KIF26B: variants seen among roughly 807,000 people sequenced by gnomAD.
KIF26B encodes the protein kinesin family member 26B.
Under a neutral mutation model 151.2 loss-of-function variants are expected in KIF26B, and 63 were observed. That is an observed-to-expected ratio of 0.42 (90% CI 0.34 to 0.51). The LOEUF is 0.51. Ranked by LOEUF, KIF26B falls within the 20% of genes least tolerant of loss-of-function variation. The pLI, the probability that KIF26B is intolerant of heterozygous loss-of-function variation, is 0.07. For missense variants in KIF26B, 2,813 were observed against 2,913.6 expected (o/e 0.97, Z 0.79); for synonymous variants, 1,357 against 1,262.1 (o/e 1.08, Z -1.59).
intron 2 of KIF26B, among the ~76,000 whole-genome samples, chr1:245,188,338 G>A (rs1383667808): frequency 1.3e-5 from 2 of 151,500 alleles, no homozygotes; most frequent in African/African-American, 2.4e-5. Context: ...CAGGGGTGTG[G>A]TCGGTGAAGC....
rs1475440661 is a variant in KIF26B at position 245,667,496 on chromosome 1, G to A, written c.2259-16737G>A. Among the ~76,000 whole-genome samples, 6 of 152,036 alleles carry A rather than the reference G, an allele frequency of 3.9e-5. No homozygotes were observed. Among genetic ancestry groups the A allele is most frequent in the African/African-American group, 1.5e-4 (6 of 41,378 alleles). On this transcript the variant is annotated intron_variant, in intron 10 of 14. Transcript: ENST00000407071. The surrounding 1 kb of genome is among the most constrained non-coding windows in gnomAD (Gnocchi z 4.3). The stretch of plus-strand genomic sequence containing the variant: ...GCCTGGCCTGCTTTGGTTTTATTCT[G>A]ACTGTGGCTCCTAGGAAGAAAAAGA...
chr1:245,420,204 T>TTG (rs1658451864), intron 4 of KIF26B, among the ~76,000 whole-genome samples: 2 of 152,172 alleles, frequency 1.3e-5, no homozygotes, highest in African/African-American at 4.8e-5. Flanking sequence ...GATGGCAGGT[T>TTG]TTCTCCCCCG....
chr1:245,510,941 C>A, intron 4 of KIF26B: 1 of 621,530 alleles, frequency 1.6e-6, no homozygotes. Flanking sequence ...AGTTCTCAGA[C>A]CCCCATGGAT....
At chr1:245,666,108 C>A (rs150619601) in intron 10 of KIF26B, among the ~76,000 whole-genome samples, 1 of 143,462 alleles carries the variant, frequency 7.0e-6, no homozygotes, top group African/African-American at 2.6e-5. Context: ...TTAAGCAATT[C>A]TCCTCCCTCA....
chr1:245,419,481 C>T (rs1658416698), intron 3 of KIF26B, 98 bp from the exon 4 acceptor site: 4 of 1,129,768 alleles, frequency 3.5e-6, no homozygotes, highest in Non-Finnish European at 5.0e-6. Flanking sequence ...GAAACCTGTT[C>T]CCTCTTGCCT....
intron 2 of KIF26B, among the ~76,000 whole-genome samples, chr1:245,332,583 C>A (rs1267064162): frequency 1.3e-5 from 2 of 152,100 alleles, no homozygotes; most frequent in Non-Finnish European, 2.9e-5. Flanking sequence ...TCTTGCCTTT[C>A]CCCCCACCAC....
chr1:245,555,554 G>C (rs911442705), intron 5 of KIF26B, among the ~76,000 whole-genome samples: 2 of 152,174 alleles, frequency 1.3e-5, no homozygotes, highest in Non-Finnish European at 2.9e-5. Context: ...CGGCTGCTCA[G>C]ATGAAGGGGG....
rs1222937004 is a variant in KIF26B at position 245,708,965 on chromosome 1, G to A, written c.*6359G>A. The A allele has an allele frequency of 6.6e-6, 1 of 152,212 alleles. No individual in the cohort carries two copies. Among genetic ancestry groups the A allele is most frequent in the African/African-American group, 2.4e-5 (1 of 41,448 alleles). 9.4% of individuals were successfully genotyped at this position (152,212 alleles called of 1,614,324 possible). On this transcript the variant is annotated 3_prime_UTR_variant, in exon 15 of 15. Transcript: ENST00000407071. The stretch of plus-strand genomic sequence containing the variant: ...AATCTTGTTTTACAATTCAATGGTA[G>A]TGCTTAATGTTACTGTCTGAAATCC...
intron 4 of KIF26B, among the ~76,000 whole-genome samples, chr1:245,459,632 C>T (rs532478318): frequency 1.3e-5 from 2 of 152,110 alleles, no homozygotes; most frequent in Non-Finnish European, 2.9e-5. Flanking sequence ...GTGGTATGAC[C>T]GAGGTGTGAA....
At position 245,597,325 on chromosome 1, in the gene KIF26B, G is replaced by A. The variant is rs1296785435; in HGVS notation, c.1351-5252G>A. ...CAGGAGCTCTTGTAAGGCAGGCCTG[G>A]TGGTGACAAAATCTCTCAGCATTTG... On this transcript the variant is annotated intron_variant, in intron 5 of 14. Coordinates refer to ENST00000407071, the MANE Select transcript of KIF26B (RefSeq NM_018012.4). The surrounding 1 kb of genome is among the most constrained non-coding windows in gnomAD (Gnocchi z 4.6). Among the ~76,000 whole-genome samples, 1 of 152,158 alleles carries A rather than the reference G, an allele frequency of 6.6e-6. No individual in the cohort carries two copies. The highest frequency in any genetic ancestry group is 2.4e-5 in the African/African-American group (1 of 41,424).
chr1:245,216,212 AACACAC>A (rs10573664), intron 2 of KIF26B: 1 of 95,796 alleles, frequency 1.0e-5, no homozygotes, highest in African/African-American at 3.1e-5. Context: ...AAAAAAAAAA[AACACAC>A]ACACACAAAA....
At chr1:245,681,873 C>T (rs889967453) in intron 10 of KIF26B, among the ~76,000 whole-genome samples, 4 of 152,196 alleles carry the variant, frequency 2.6e-5, no homozygotes, top group Admixed American at 2.0e-4. Context: ...AACAAGGTTA[C>T]GTATTGACCA....
intron 4 of KIF26B, among the ~76,000 whole-genome samples, chr1:245,485,170 T>C (rs1019265931): frequency 1.3e-5 from 2 of 151,982 alleles, no homozygotes; most frequent in Non-Finnish European, 2.9e-5. Context: ...AATAGGCAAA[T>C]TCATGCAGAC....
At chr1:245,260,052 G>C (rs922753870) in intron 2 of KIF26B, among the ~76,000 whole-genome samples, 4 of 152,038 alleles carry the variant, frequency 2.6e-5, no homozygotes, top group Non-Finnish European at 5.9e-5. Flanking sequence ...AGAGGTGAAA[G>C]GATGTACCTC....
intron 3 of KIF26B, among the ~76,000 whole-genome samples, chr1:245,400,202 G>A (rs887442818): frequency 6.6e-6 from 1 of 152,196 alleles, no homozygotes. Flanking sequence ...TATTTAACAA[G>A]CTGCGGGGAC....
At chr1:245,611,089 C>A (rs2043515504) in intron 8 of KIF26B, among the ~76,000 whole-genome samples, 5 of 152,134 alleles carry the variant, frequency 3.3e-5, no homozygotes, top group Admixed American at 2.6e-4. Flanking sequence ...AGACGCATTA[C>A]CCTGTGTGCT....
chr1:245,564,248 C>T lies in KIF26B; in HGVS notation c.1350+23298C>T, dbSNP rs1358602193. Among the ~76,000 whole-genome samples the T allele has an allele frequency of 6.6e-6, 1 of 152,160 alleles. No homozygotes were observed. The highest frequency in any genetic ancestry group is 2.4e-5 in the African/African-American group (1 of 41,440). On this transcript the variant is annotated intron_variant, in intron 5 of 14. Coordinates refer to ENST00000407071, the MANE Select transcript of KIF26B (RefSeq NM_018012.4). This position sits in a 1 kb window ranked among gnomAD's most constrained non-coding sequence, Gnocchi z 4.6. ...CTTAGAATGAGCTTCCCCCCATTTT[C>T]TGCGATACACACTGTCACTTTCCCT... is the stretch of plus-strand genomic sequence containing the variant.
At position 245,686,785 on chromosome 1, in the gene KIF26B, G is replaced by T. The variant is rs1254059987; in HGVS notation, c.3802G>T (p.Ala1268Ser). 3 of 1,613,214 alleles carry T rather than the reference G, an allele frequency of 1.9e-6. No homozygotes were observed. The highest frequency in any genetic ancestry group is 2.7e-5 in the African/African-American group (2 of 74,850). Residue 1268 changes from alanine to serine, a missense_variant, in exon 12 of 15, where the codon GCC becomes TCC. Coordinates refer to ENST00000407071, the MANE Select transcript of KIF26B (RefSeq NM_018012.4). The surrounding 1 kb of genome is among the most constrained non-coding windows in gnomAD (Gnocchi z 5.6). The part of the protein sequence containing the change: ...PLPKMSLDEK[A>S]QDAGSRRSSI... ...CCCGAAGATGAGCCTGGATGAGAAG[G>T]CCCAGGACGCAGGGAGCAGACGCTC... is the stretch of plus-strand genomic sequence containing the variant.
At chr1:245,522,195 A>G (rs1039949285) in intron 4 of KIF26B, among the ~76,000 whole-genome samples, 1 of 152,088 alleles carries the variant, frequency 6.6e-6, no homozygotes, top group Non-Finnish European at 1.5e-5. Flanking sequence ...TTGACCATGG[A>G]CCACGCTGGT....
Sources: allele counts gnomAD v4.1 joint callset (sites outside exome capture counted in the v4.1 genomes callset), GRCh38; gene constraint gnomAD v4.1.1; non-coding constraint Gnocchi (gnomAD v3.1); transcripts MANE v1.5; gene names NCBI Gene and HGNC (gene_info 2026-07-23, HGNC 2026-07-21).